Variants in MAPK8IP3 observed in about 807,000 individuals in gnomAD.
MAPK8IP3 encodes mitogen-activated protein kinase 8 interacting protein 3, also known as C-Jun-amino-terminal kinase-interacting protein 3.
Under a neutral mutation model 157.8 loss-of-function variants are expected in MAPK8IP3, and 49 were observed. The observed-to-expected ratio is 0.31, with a 90% CI of 0.25 to 0.39. MAPK8IP3 has a LOEUF of 0.39. Among genes scored for constraint, MAPK8IP3 ranks in the 10% least tolerant of loss-of-function variants. The pLI is 1.00. For synonymous variants in MAPK8IP3, 897 were observed against 777.7 expected (o/e 1.15, Z -2.55); for missense variants, 1,478 against 1,889.4 (o/e 0.78, Z 4.04).
chr16:1,738,273 TGTGA>T lies in MAPK8IP3; in HGVS notation c.603-5055_603-5052del, dbSNP rs745910484. Among the ~76,000 whole-genome samples, 13 of 85,204 alleles carry T rather than the reference TGTGA, an allele frequency of 1.5e-4. 1 individual carries two copies. The highest frequency in any genetic ancestry group is 1.8e-4 in the Non-Finnish European group (8 of 45,114). The allele number at this position is 85,204 out of a possible 152,430, so 55.9% of individuals were successfully genotyped here. Reference sequence around the variant, plus strand: ...ATCCGTGTGAGCGTGTGACCGTCCGTGTGAGTGTGACCATCCATGTGAGCATCTG... The same window carrying T: ...ATCCGTGTGAGCGTGTGACCGTCCGTGTGTGACCATCCATGTGAGCATCTG... On this transcript the variant is annotated intron_variant, in intron 4 of 31. Coordinates refer to ENST00000610761, the MANE Select transcript of MAPK8IP3 (RefSeq NM_001318852.2).
At chr16:1,763,601 C>T in intron 16 of MAPK8IP3, 56 bp from the exon 17 acceptor site, 5 of 1,448,856 alleles carry the variant, frequency 3.5e-6, no homozygotes, top group Non-Finnish European at 3.7e-6. Flanking sequence ...AAGCCTGGGG[C>T]ACTGTGGGGG....
chr16:1,745,236 C>A, intron 5 of MAPK8IP3: 2 of 956,528 alleles, frequency 2.1e-6, no homozygotes, highest in South Asian at 4.8e-5. Context: ...GCCGGGGACC[C>A]AGCGTGGAGG....
chr16:1,750,042 C>T (rs893377165), intron 8 of MAPK8IP3, among the ~76,000 whole-genome samples: 3 of 151,950 alleles, frequency 2.0e-5, no homozygotes, highest in Non-Finnish European at 2.9e-5. Context: ...GCGGTGAGGG[C>T]GCACTTTGGT....
chr16:1,713,483 T>A (rs570369869), intron 1 of MAPK8IP3: 2 of 152,336 alleles, frequency 1.3e-5, no homozygotes, highest in Non-Finnish European at 1.5e-5. Flanking sequence ...CAAGGGCAGA[T>A]GGTGAGTTAC....
In MAPK8IP3 at chr16:1,741,848, C is replaced by A. The variant is rs2040700216; in HGVS notation, c.603-1484C>A. Among the ~76,000 whole-genome samples the A allele has an allele frequency of 1.3e-5, 2 of 152,266 alleles. No individual in the cohort carries two copies. Among genetic ancestry groups the A allele is most frequent in the South Asian group, 4.1e-4 (2 of 4,834 alleles). On this transcript the variant is annotated intron_variant, in intron 4 of 31. Transcript: ENST00000610761. The surrounding 1 kb of genome is among the most constrained non-coding windows in gnomAD (Gnocchi z 6.9). ...CTACAGGATACGGTGTTGTCCTGAA[C>A]ATAACAGAGCAGGCGGCCAGTCCCC...
chr16:1,748,773 C>T (rs745569309), intron 8 of MAPK8IP3, 53 bp downstream of exon 8: 1 of 1,478,204 alleles, frequency 6.8e-7, no homozygotes, highest in East Asian at 2.3e-5. Flanking sequence ...CTGGGGCTTT[C>T]TGCTGTTGGT....
At chr16:1,760,146 C>A in intron 11 of MAPK8IP3, 131 bp downstream of exon 11, 6 of 1,093,968 alleles carry the variant, frequency 5.5e-6, no homozygotes, top group Non-Finnish European at 6.8e-6. Context: ...TCATCTCTGG[C>A]GGGAGGAACT....
At chr16:1,760,115 C>A (rs57876690) in intron 11 of MAPK8IP3, 100 bp downstream of exon 11, 277,522 of 1,308,824 alleles carry the variant, frequency 0.21, 30,870 homozygotes, top group East Asian at 0.37. Flanking sequence ...GAGCACCTGG[C>A]TCCAACGCCA....
chr16:1,713,669 G>A (rs1405031867), intron 1 of MAPK8IP3: 2 of 152,242 alleles, frequency 1.3e-5, no homozygotes, highest in African/African-American at 4.8e-5. Flanking sequence ...CAGCAGAGAG[G>A]GGCTGAAGTT....
intron 2 of MAPK8IP3, among the ~76,000 whole-genome samples, chr16:1,725,525 A>G (rs2038820509): frequency 2.0e-5 from 3 of 151,526 alleles, no homozygotes; most frequent in Admixed American, 2.0e-4. Flanking sequence ...TACTCGGGCA[A>G]CTGAGGCAGG....
Position 1,734,299 on chromosome 16 carries a change from T to C in MAPK8IP3, c.602+4721T>C, listed in dbSNP as rs550037956. On this transcript the variant is annotated intron_variant, in intron 4 of 31. Coordinates refer to ENST00000610761, the MANE Select transcript of MAPK8IP3 (RefSeq NM_001318852.2). ...TGGGGGCGACAGAGGGGCAGGGCTA[T>C]GGCTGGGCTACCCCTGCCTCCCTCC... 1.8e-4 allele frequency among the ~76,000 whole-genome samples: 28 copies of C among 152,340 alleles called. No individual in the cohort carries two copies. In the East Asian group the frequency reaches 4.8e-3, roughly 26 times the overall value.
rs1488083329 is a variant in MAPK8IP3, at chr16:1,738,433, A to T, written c.603-4899A>T. Among the ~76,000 whole-genome samples, 8 of 60,934 alleles carry T rather than the reference A, an allele frequency of 1.3e-4. 1 individual carries two copies. The highest frequency in any genetic ancestry group is 5.6e-4 in the African/African-American group (7 of 12,474). 40.0% of individuals were successfully genotyped at this position (60,934 alleles called of 152,430 possible). ...CCGTGTGAGCGTGTGACCGTGTGAG[A>T]GAGTGACCATCCATGTGAGCATGTG... On this transcript the variant is annotated intron_variant, in intron 4 of 31. Coordinates refer to ENST00000610761, the MANE Select transcript of MAPK8IP3 (RefSeq NM_001318852.2).
At chr16:1,762,757 T>C (rs1318925185) in intron 15 of MAPK8IP3, 26 bp downstream of exon 15, 3 of 1,585,754 alleles carry the variant, frequency 1.9e-6, no homozygotes, top group Non-Finnish European at 1.7e-6. Flanking sequence ...CTGGGGGATG[T>C]GGGCAGCAGC....
chr16:1,766,883 C>G, intron 24 of MAPK8IP3, 21 bp from the exon 25 acceptor site: 1 of 1,607,820 alleles, frequency 6.2e-7, no homozygotes, highest in South Asian at 1.1e-5. Context: ...CCAAACCAGG[C>G]TCACCGCATT....
intron 20 of MAPK8IP3, among the ~76,000 whole-genome samples, chr16:1,765,493 G>A (rs1021796120): frequency 2.0e-5 from 3 of 152,216 alleles, no homozygotes; most frequent in Non-Finnish European, 4.4e-5. Flanking sequence ...ATTTCCTCAT[G>A]CTGAATGTGA....
At position 1,739,340 on chromosome 16, in the gene MAPK8IP3, CCATCCATGTGAG is replaced by C. The variant is rs1252011357; in HGVS notation, c.603-3986_603-3975del. ...TGTGACCATCCGTGTGAGAGTGTGA[CCATCCATGTGAG>C]CATCCGTGTGAGCATCCGTGTGACC... On this transcript the variant is annotated intron_variant, in intron 4 of 31. Transcript: ENST00000610761. Among the ~76,000 whole-genome samples, 8 of 121,686 alleles carry C rather than the reference CCATCCATGTGAG, an allele frequency of 6.6e-5. No individual in the cohort carries two copies. In the South Asian group the frequency reaches 8.9e-4, roughly 14 times the overall value. 79.8% of individuals were successfully genotyped at this position (121,686 alleles called of 152,430 possible).
chr16:1,738,915 C>T (rs1353948450), intron 4 of MAPK8IP3, among the ~76,000 whole-genome samples: 1 of 117,396 alleles, frequency 8.5e-6, no homozygotes, highest in Admixed American at 9.4e-5. Context: ...GTGTAGCATC[C>T]ATGTGTGTGA....
At chr16:1,729,639 C>G in intron 4 of MAPK8IP3, 61 bp downstream of exon 4, 7 of 1,455,726 alleles carry the variant, frequency 4.8e-6, no homozygotes, top group Non-Finnish European at 6.6e-6. Context: ...GTACGCAGGA[C>G]GCGGCACATG....
At position 1,768,815 on chromosome 16, in the gene MAPK8IP3, C is replaced by A. The variant is rs2042444999; in HGVS notation, c.4005C>A (p.Thr1335=). ...TCATCGTGTGGCAGGTGTCCTACAC[C>A]CCCGAGTGAAGCTGCTGCCCTGCCT... ...SHIIVWQVSY[T]PE is the part of the protein sequence containing the mutation. Residue 1335 remains threonine (T), a synonymous_variant, in exon 32 of 32, where the codon ACC becomes ACA. Coordinates refer to ENST00000610761, the MANE Select transcript of MAPK8IP3 (RefSeq NM_001318852.2). 1.2e-6 allele frequency: 2 copies of A among 1,612,160 alleles called. No individual in the cohort carries two copies. Among genetic ancestry groups the A allele is most frequent in the Non-Finnish European group, 1.7e-6 (2 of 1,179,762 alleles).
Sources: gnomAD v4.1 joint callset for allele counts (sites outside exome capture counted in the v4.1 genomes callset) on GRCh38, gnomAD v4.1.1 for gene constraint, Gnocchi (gnomAD v3.1) non-coding constraint, MANE v1.5 for transcripts, NCBI Gene and HGNC (gene_info 2026-07-23, HGNC 2026-07-21) for gene names.